NBAS: variants seen among roughly 807,000 people sequenced by gnomAD.
NBAS encodes the protein NAG/BC035112 fusion.
NBAS carries 219 observed loss-of-function variants against 302.5 expected under a neutral mutation model. The ratio of observed to expected loss-of-function variants is 0.72; its 90% confidence interval spans 0.65 to 0.81. The LOEUF (loss-of-function observed/expected upper bound fraction) is 0.81. Among genes scored for constraint, NBAS ranks in the 30% least tolerant of loss-of-function variants. The pLI is 0.00. For synonymous variants in NBAS, 1,118 were observed against 1,021.6 expected (o/e 1.09, Z -1.80); for missense variants, 2,932 against 2,841.6 (o/e 1.03, Z -0.72).
chr2:15,159,595 G>T, the NBAS span, among the ~76,000 whole-genome samples: 7 of 151,646 alleles, frequency 4.6e-5, no homozygotes, highest in African/African-American at 1.7e-4. Context: ...TGGTAGCATG[G>T]TGGTTATTAA....
chr2:15,361,347 T>C lies in NBAS; in HGVS notation c.3818-4931A>G, dbSNP rs183132796. On this transcript the variant is annotated intron_variant, in intron 32 of 51. Transcript: ENST00000281513. ...GGCCAACATGGTGAAATCCCATCTC[T>C]ACTAAAAATACAAAAATTAGCTAGG... Among the ~76,000 whole-genome samples the C allele has an allele frequency of 2.9e-3, 445 of 152,164 alleles. 1 individual carries two copies. Among genetic ancestry groups the C allele is most frequent in the African/African-American group, 0.01 (416 of 41,518 alleles).
At chr2:14,788,430 T>C in the NBAS span, among the ~76,000 whole-genome samples, 56 of 152,236 alleles carry the variant, frequency 3.7e-4, no homozygotes, top group Middle Eastern at 3.4e-3. Flanking sequence ...TTCTGCTCTG[T>C]TTTTTCCCCA....
At chr2:15,508,035 T>C (rs1661955729) in intron 10 of NBAS, among the ~76,000 whole-genome samples, 1 of 152,154 alleles carries the variant, frequency 6.6e-6, no homozygotes, top group Non-Finnish European at 1.5e-5. Context: ...ATCTGCTGCC[T>C]GACAAAAGGA....
chr2:14,903,104 T>C, the NBAS span, among the ~76,000 whole-genome samples: 1 of 152,040 alleles, frequency 6.6e-6, no homozygotes, highest in Non-Finnish European at 1.5e-5. Context: ...ACCAAGACCT[T>C]CTACATACAG....
At chr2:14,902,700 T>G in the NBAS span, among the ~76,000 whole-genome samples, 1 of 152,174 alleles carries the variant, frequency 6.6e-6, no homozygotes, top group Non-Finnish European at 1.5e-5. Context: ...AAACTTGAGC[T>G]TCTGGGAGGT....
chr2:15,038,398 A>G, the NBAS span, among the ~76,000 whole-genome samples: 1 of 152,114 alleles, frequency 6.6e-6, no homozygotes, highest in Admixed American at 6.6e-5. Flanking sequence ...AGCACGAGCC[A>G]CCACGCCCCG....
intron 21 of NBAS, among the ~76,000 whole-genome samples, chr2:15,455,575 A>G (rs1679212469): frequency 6.6e-6 from 1 of 152,058 alleles, no homozygotes; most frequent in South Asian, 2.1e-4. Context: ...ATTCTGTATT[A>G]ATAATAATTG....
the NBAS span, among the ~76,000 whole-genome samples, chr2:15,143,041 T>C: frequency 6.6e-6 from 1 of 152,222 alleles, no homozygotes; most frequent in East Asian, 1.9e-4. Flanking sequence ...TACTCACTCA[T>C]CAGCCCGTTG....
At chr2:15,423,112 T>C (rs1397785254) in intron 23 of NBAS, among the ~76,000 whole-genome samples, 1 of 152,210 alleles carries the variant, frequency 6.6e-6, no homozygotes, top group Non-Finnish European at 1.5e-5. Flanking sequence ...CCAGATTTTG[T>C]CTGGCTCTGC....
intron 8 of NBAS, 139 bp from the exon 9 acceptor site, chr2:15,534,780 T>C: frequency 1.4e-6 from 1 of 711,506 alleles, no homozygotes; most frequent in South Asian, 1.5e-5. Flanking sequence ...AGAACTCGAA[T>C]ACGTCACAAT....
At chr2:14,785,398 A>C in the NBAS span, among the ~76,000 whole-genome samples, 4 of 152,142 alleles carry the variant, frequency 2.6e-5, no homozygotes, top group African/African-American at 9.7e-5. Flanking sequence ...GTGTTGTGCC[A>C]GTTTTCAAAG....
chr2:14,938,361 A>G, the NBAS span, among the ~76,000 whole-genome samples: 2 of 152,186 alleles, frequency 1.3e-5, no homozygotes, highest in Non-Finnish European at 2.9e-5. Context: ...GATTTTCTTC[A>G]TAATTGTCTC....
At chr2:15,535,661 C>T (rs1460311520) in intron 8 of NBAS, among the ~76,000 whole-genome samples, 5 of 151,976 alleles carry the variant, frequency 3.3e-5, no homozygotes, top group African/African-American at 1.2e-4. Flanking sequence ...CTTATAATAT[C>T]CAATACAATA....
the NBAS span, among the ~76,000 whole-genome samples, chr2:15,071,442 G>A: frequency 3.3e-5 from 5 of 152,194 alleles, no homozygotes; most frequent in Non-Finnish European, 5.9e-5. Context: ...CGGCCAATAC[G>A]GTGAAACTCC....
chr2:14,931,226 G>T, the NBAS span, among the ~76,000 whole-genome samples: 1 of 152,224 alleles, frequency 6.6e-6, no homozygotes, highest in Admixed American at 6.5e-5. Context: ...GGCTGAGGGA[G>T]CCATGGGAAT....
chr2:14,887,087 T>C, the NBAS span, among the ~76,000 whole-genome samples: 3 of 152,136 alleles, frequency 2.0e-5, no homozygotes, highest in Non-Finnish European at 4.4e-5. Context: ...GCATAATTCA[T>C]ATTGAACTGA....
chr2:15,237,637 C>A (rs990940513), intron 45 of NBAS, among the ~76,000 whole-genome samples: 10 of 150,066 alleles, frequency 6.7e-5, no homozygotes, highest in Non-Finnish European at 1.5e-4. Context: ...GCTCTGTCGC[C>A]CAGGCTGGGG....
chr2:15,274,677 G>C (rs1249781747), intron 44 of NBAS, among the ~76,000 whole-genome samples: 3 of 152,120 alleles, frequency 2.0e-5, no homozygotes, highest in African/African-American at 4.8e-5. Flanking sequence ...ACTGATGGAG[G>C]AGACATCAGA....
At chr2:15,504,297 T>G (rs1356931471) in intron 10 of NBAS, 84 bp from the exon 11 acceptor site, 2 of 1,090,342 alleles carry the variant, frequency 1.8e-6, no homozygotes, top group Non-Finnish European at 2.8e-6. Flanking sequence ...AAATGAAAAC[T>G]ATAGCAAATC....
Sources: allele counts gnomAD v4.1 joint callset (sites outside exome capture counted in the v4.1 genomes callset), GRCh38; gene constraint gnomAD v4.1.1; transcripts MANE v1.5; gene names NCBI Gene and HGNC (gene_info 2026-07-23, HGNC 2026-07-21).